BCAS2: variants seen among roughly 807,000 people sequenced by gnomAD.
The protein encoded by BCAS2 is pre-mRNA-splicing factor SPF27.
A neutral mutation model predicts 35.3 loss-of-function variants in BCAS2; 34 were observed. The observed-to-expected ratio is 0.96, with a 90% CI of 0.73 to 1.28. BCAS2 has a LOEUF of 1.28. Among genes scored for constraint, BCAS2 ranks in the 50% most tolerant of loss-of-function variants. BCAS2 has a pLI of 0.00. For synonymous variants in BCAS2, 75 were observed against 91.6 expected, an observed-to-expected ratio of 0.82 and a Z score of 1.03; for missense variants, 221 against 268.1, an observed-to-expected ratio of 0.82 and a Z score of 1.23.
intron 4 of BCAS2, among the ~76,000 whole-genome samples, chr1:114,572,841 G>A (rs965816292): frequency 1.3e-5 from 2 of 152,012 alleles, no homozygotes; most frequent in Non-Finnish European, 2.9e-5. Flanking sequence ...TGGCCCAGCC[G>A]GGTGCTCACA....
intron 6 of BCAS2, 40 bp from the exon 7 acceptor site, chr1:114,568,296 T>C (rs1654567850): frequency 6.3e-7 from 1 of 1,594,272 alleles, no homozygotes; most frequent in Non-Finnish European, 8.5e-7. Context: ...TTACTCAATG[T>C]AAAACTTCTC....
At chr1:114,569,498 A>AT (rs1654597548) in intron 6 of BCAS2, among the ~76,000 whole-genome samples, 1 of 151,374 alleles carries the variant, frequency 6.6e-6, no homozygotes, top group Non-Finnish European at 1.5e-5. Context: ...TTATAAAATA[A>AT]TTTTTTTCCT....
chr1:114,570,129 A>G (rs1330553398), intron 5 of BCAS2, 57 bp from the exon 6 acceptor site: 1 of 1,203,776 alleles, frequency 8.3e-7, no homozygotes, highest in Non-Finnish European at 1.2e-6. Context: ...CTAAATCAAC[A>G]GAAAACTCTA....
intron 4 of BCAS2, among the ~76,000 whole-genome samples, chr1:114,571,379 G>A (rs1008653546): frequency 6.6e-6 from 1 of 151,908 alleles, no homozygotes; most frequent in African/African-American, 2.4e-5. Context: ...CGGAGGGGAG[G>A]GACAGAGTCT....
chr1:114,577,660 T>C (rs542602857), intron 2 of BCAS2, among the ~76,000 whole-genome samples: 3 of 152,320 alleles, frequency 2.0e-5, no homozygotes, highest in African/African-American at 7.2e-5. Context: ...CTATCTTCTC[T>C]AGCAATTTTA....
chr1:114,570,645 CTATT>C, intron 5 of BCAS2, 51 bp downstream of exon 5: 1 of 1,198,534 alleles, frequency 8.3e-7, no homozygotes, highest in Admixed American at 2.4e-5. Flanking sequence ...CTCCTATTTT[CTATT>C]TATTAAAGGT....
intron 2 of BCAS2, among the ~76,000 whole-genome samples, chr1:114,579,562 T>C (rs1237245434): frequency 6.6e-6 from 1 of 152,098 alleles, no homozygotes; most frequent in African/African-American, 2.4e-5. Context: ...GGAACATACG[T>C]CTTCTACTTA....
chr1:114,576,669 T>C lies in BCAS2; in HGVS notation c.257+19A>G. On this transcript the variant is annotated intron_variant, in intron 3 of 6. Transcript: ENST00000369541. Reference sequence around the variant, plus strand: ...AGTTACTACAAACTAAATTTTAATTTCCATTTTAATATTCTTACCGTTTCA... The same window carrying C: ...AGTTACTACAAACTAAATTTTAATTCCCATTTTAATATTCTTACCGTTTCA... The C allele has an allele frequency of 3.2e-6, 5 of 1,586,758 alleles. No homozygotes were observed. The highest frequency in any genetic ancestry group is 4.3e-6 in the Non-Finnish European group (5 of 1,159,118).
At chr1:114,579,615 C>T (rs1238676977) in intron 2 of BCAS2, among the ~76,000 whole-genome samples, 1 of 152,194 alleles carries the variant, frequency 6.6e-6, no homozygotes. Flanking sequence ...ACCTGTATCC[C>T]AACACTTTGG....
chr1:114,579,847 CG>C, intron 2 of BCAS2, among the ~76,000 whole-genome samples: 1 of 152,104 alleles, frequency 6.6e-6, no homozygotes, highest in Non-Finnish European at 1.5e-5. Context: ...GCCTGGGTGA[CG>C]TAATGAGACT....
chr1:114,580,543 T>G (rs1654864051), intron 2 of BCAS2, among the ~76,000 whole-genome samples: 1 of 152,240 alleles, frequency 6.6e-6, no homozygotes, highest in Non-Finnish European at 1.5e-5. Flanking sequence ...TACACATTTA[T>G]ACATACTATT....
intron 2 of BCAS2, among the ~76,000 whole-genome samples, chr1:114,576,996 T>C (rs1406378346): frequency 2.0e-5 from 3 of 152,204 alleles, no homozygotes; most frequent in Admixed American, 2.0e-4. Context: ...AAAGGATTAA[T>C]CCTAAACCAG....
chr1:114,575,927 T>C (rs1654752247), intron 3 of BCAS2, among the ~76,000 whole-genome samples, 176 bp from the exon 4 acceptor site: 1 of 152,172 alleles, frequency 6.6e-6, no homozygotes. Context: ...ACAAATATGA[T>C]TTAGCACCAT....
chr1:114,570,512 T>G (rs544355256), intron 5 of BCAS2, among the ~76,000 whole-genome samples, 188 bp downstream of exon 5: 8 of 152,346 alleles, frequency 5.3e-5, no homozygotes, highest in Admixed American at 3.3e-4. Context: ...GCAGAGATGT[T>G]TTCAGACCTC....
At chr1:114,578,962 A>G (rs1654828105) in intron 2 of BCAS2, among the ~76,000 whole-genome samples, 6 of 152,234 alleles carry the variant, frequency 3.9e-5, no homozygotes, top group Admixed American at 3.3e-4. Context: ...CAGTGAACCC[A>G]GTAAATATTA....
rs369936789 is a variant in BCAS2 at position 114,580,123 on chromosome 1, AG to A, written c.186+1175del. On this transcript the variant is annotated intron_variant, in intron 2 of 6. Coordinates refer to ENST00000369541, the MANE Select transcript of BCAS2 (RefSeq NM_005872.3). ...TAACTTTTTAATTTTTCTTTTGTAG[AG>A]AAAGGGTCTCACTATGTTGCCCAGG... Among the ~76,000 whole-genome samples the A allele has an allele frequency of 1.3e-3, 194 of 152,122 alleles. 1 individual carries two copies. The highest frequency in any genetic ancestry group is 4.3e-3 in the African/African-American group (179 of 41,504).
chr1:114,575,802 T>C, intron 3 of BCAS2, 51 bp from the exon 4 acceptor site: 1 of 1,578,132 alleles, frequency 6.3e-7, no homozygotes, highest in South Asian at 1.2e-5. Flanking sequence ...GCCAAGCCTT[T>C]ACATCTCTTC....
At chr1:114,568,752 ATTCTTTTTTTTTTTTT>A (rs1462491380) in intron 6 of BCAS2, among the ~76,000 whole-genome samples, 4 of 122,082 alleles carry the variant, frequency 3.3e-5, no homozygotes, top group Admixed American at 8.4e-5. Context: ...ATCTCTCTGT[ATTCTTTTTTTTTTTTT>A]TTTTTTTTTT....
At chr1:114,568,292 A>G in intron 6 of BCAS2, 36 bp from the exon 7 acceptor site, 1 of 1,598,212 alleles carries the variant, frequency 6.3e-7, no homozygotes, top group Non-Finnish European at 8.5e-7. Context: ...AAAATTACTC[A>G]ATGTAAAACT....
Sources: allele counts gnomAD v4.1 joint callset (sites outside exome capture counted in the v4.1 genomes callset), GRCh38; gene constraint gnomAD v4.1.1; transcripts MANE v1.5; gene names NCBI Gene and HGNC (gene_info 2026-07-23, HGNC 2026-07-21).